Variants in ZNF155 observed in about 807,000 individuals in gnomAD.
The protein encoded by ZNF155 is zinc finger protein 155, also known as KRAB A domain.
A neutral mutation model predicts 11.9 loss-of-function variants in ZNF155; 15 were observed. The ratio of observed to expected loss-of-function variants is 1.26; its 90% CI spans 0.84 to 1.94. ZNF155 has a LOEUF of 1.94. Among genes scored for constraint, ZNF155 ranks in the 30% most tolerant of loss-of-function variants. The pLI is 0.00. For missense variants in ZNF155, 602 were observed against 639.1 expected (o/e 0.94, Z 0.63); for synonymous variants, 212 against 219.9 (o/e 0.96, Z 0.32).
intron 2 of ZNF155, among the ~76,000 whole-genome samples, chr19:43,990,559 C>T (rs1193335289): frequency 1.3e-5 from 2 of 152,188 alleles, no homozygotes; most frequent in Non-Finnish European, 2.9e-5. Context: ...TAGGAAGGGG[C>T]AGACCCTTAG....
Position 43,997,275 on chromosome 19 carries a change from A to G in ZNF155, c.1418A>G (p.Asn473Ser). ...TTTAGCCGGGCCTCAAGTATTTTGA[A>G]TCATAAGAGACTCCACTGCCAGAAA... is the stretch of plus-strand genomic sequence containing the variant. ...KNFSRASSILNHKRLHCQKKP... is the reference protein window; with the variant it reads ...KNFSRASSILSHKRLHCQKKP... Residue 473 changes from asparagine (N) to serine (S), a missense_variant, in exon 5 of 5, where the codon AAT (asparagine) becomes AGT (serine). Coordinates refer to ENST00000270014, the MANE Select transcript of ZNF155 (RefSeq NM_198089.3). 6.2e-7 allele frequency: 1 copy of G among 1,614,148 alleles called. No homozygotes were observed. The highest frequency in any genetic ancestry group is 1.7e-5 in the Admixed American group (1 of 60,020).
Position 43,997,427 on chromosome 19 carries a change from C to T in ZNF155, c.1570C>T (p.Arg524Cys), listed in dbSNP as rs748291270. 6 of 1,605,496 alleles carry T rather than the reference C, an allele frequency of 3.7e-6. 1 individual carries two copies. Among genetic ancestry groups the T allele is most frequent in the Admixed American group, 3.5e-5 (2 of 57,046 alleles). ...CEDCGRRYKR[R>C]LNLDILLSLF... Reference sequence around the variant, plus strand: ...GGATTGTGGGAGACGCTACAAGAGGCGCTTGAATCTGGATATACTTTTATC... The same window carrying T: ...GGATTGTGGGAGACGCTACAAGAGGTGCTTGAATCTGGATATACTTTTATC... Residue 524 changes from arginine to cysteine, a missense_variant, in exon 5 of 5, where the codon CGC becomes TGC. Coordinates refer to ENST00000270014, the MANE Select transcript of ZNF155 (RefSeq NM_198089.3).
rs180734288 is a variant in ZNF155 at position 43,994,981 on chromosome 19, G to T, written c.236-1112G>T. Reference sequence around the variant, plus strand: ...ACCATAAATTATATTGTTTCACTATGCAGAGTGATCCAGTGATTGCCTTCA... The same window carrying T: ...ACCATAAATTATATTGTTTCACTATTCAGAGTGATCCAGTGATTGCCTTCA... On this transcript the variant is annotated intron_variant, in intron 4 of 4. Coordinates refer to ENST00000270014, the MANE Select transcript of ZNF155 (RefSeq NM_198089.3). Among the ~76,000 whole-genome samples, 370 of 152,250 alleles carry T rather than the reference G, an allele frequency of 2.4e-3. 6 individuals carry two copies. Among genetic ancestry groups the T allele is most frequent in the Middle Eastern group, 0.017 (5 of 294 alleles).
chr19:43,986,294 A>ATATT (rs1221859539), intron 1 of ZNF155, among the ~76,000 whole-genome samples: 1 of 152,062 alleles, frequency 6.6e-6, no homozygotes, highest in Non-Finnish European at 1.5e-5. Flanking sequence ...TGTCTATTGT[A>ATATT]TATTTATTTA....
At chr19:43,990,135 A>G (rs1295027540) in intron 2 of ZNF155, 1 of 1,401,104 alleles carries the variant, frequency 7.1e-7, no homozygotes, top group East Asian at 2.5e-5. Context: ...CTGGGAAGAA[A>G]GCATGCAGTT....
rs1302604304 is a variant in ZNF155, at chr19:43,991,946, G to T, written c.235+12G>T. 6.2e-7 allele frequency: 1 copy of T among 1,609,206 alleles called. No homozygotes were observed. The highest frequency in any genetic ancestry group is 1.7e-5 in the Admixed American group (1 of 59,766). On this transcript the variant is annotated intron_variant, in intron 4 of 4. Transcript: ENST00000270014. ...AGAAGGGAATTCAGGTAAGAACTAAGCATCTGTGTGTCCTTGTACCTGACT... is the reference window on the plus strand; with the variant it reads ...AGAAGGGAATTCAGGTAAGAACTAATCATCTGTGTGTCCTTGTACCTGACT...
chr19:43,988,353 C>T (rs895700892), intron 1 of ZNF155, 106 bp from the exon 2 acceptor site: 11 of 433,824 alleles, frequency 2.5e-5, no homozygotes, highest in Admixed American at 4.1e-5. Context: ...TATCCATTTA[C>T]CCAGAGGAAG....
rs1361912257 is a variant in ZNF155 at position 43,997,164 on chromosome 19, G to A, written c.1307G>A (p.Gly436Asp). 5 of 1,614,074 alleles carry A rather than the reference G, an allele frequency of 3.1e-6. No homozygotes were observed. The highest frequency in any genetic ancestry group is 4.2e-6 in the Non-Finnish European group (5 of 1,180,042). Residue 436 changes from glycine to aspartate, a missense_variant, in exon 5 of 5, where the codon GGC becomes GAC. Physicochemically the swap from Gly to Asp is moderately conservative, Grantham distance 94. Transcript: ENST00000270014. ...KPYKCEECGKGYVTKFNLDLH... is the reference protein window; with the variant it reads ...KPYKCEECGKDYVTKFNLDLH... Reference sequence around the variant, plus strand: ...TATAAATGTGAGGAGTGTGGGAAGGGCTATGTTACTAAGTTTAATCTTGAC... The same window carrying A: ...TATAAATGTGAGGAGTGTGGGAAGGACTATGTTACTAAGTTTAATCTTGAC...
intron 1 of ZNF155, among the ~76,000 whole-genome samples, chr19:43,987,420 C>T (rs373795017): frequency 2.0e-5 from 3 of 152,116 alleles, no homozygotes; most frequent in East Asian, 3.9e-4. Flanking sequence ...TGGAGAAAGA[C>T]GTTCATTGGG....
rs1199423838 is a variant in ZNF155 at position 43,988,530 on chromosome 19, A to C, written c.-14A>C. Reference sequence around the variant, plus strand: ...CACCCAGGAGTCTGCAAATTCCCCAAAGTAGGAGGAAAAATGACCACATTC... The same window carrying C: ...CACCCAGGAGTCTGCAAATTCCCCACAGTAGGAGGAAAAATGACCACATTC... On this transcript the variant is annotated 5_prime_UTR_variant, in exon 2 of 5. Coordinates refer to ENST00000270014, the MANE Select transcript of ZNF155 (RefSeq NM_198089.3). The C allele has an allele frequency of 1.9e-6, 3 of 1,607,070 alleles. No homozygotes were observed. The highest frequency in any genetic ancestry group is 2.2e-5 in the South Asian group (2 of 90,148).
chr19:43,984,560 C>T lies in ZNF155; in HGVS notation c.-86+315C>T, dbSNP rs73569823. On this transcript the variant is annotated intron_variant, in intron 1 of 4. Transcript: ENST00000270014. Reference sequence around the variant, plus strand: ...CCCTCCACTCTTAAGTGTGCGACCTCTTTCTCGCGATATAACGTGGGGTGT... The same window carrying T: ...CCCTCCACTCTTAAGTGTGCGACCTTTTTCTCGCGATATAACGTGGGGTGT... Among the ~76,000 whole-genome samples the T allele has an allele frequency of 7.4e-3, 1,124 of 152,252 alleles. 13 individuals carry two copies. The highest frequency in any genetic ancestry group is 0.026 in the African/African-American group (1,078 of 41,536).
At position 43,996,707 on chromosome 19, in the gene ZNF155, G is replaced by T; in HGVS notation, c.850G>T (p.Gly284Trp). 1 of 1,614,134 alleles carries T rather than the reference G, an allele frequency of 6.2e-7. No individual in the cohort carries two copies. Among genetic ancestry groups the T allele is most frequent in the Non-Finnish European group, 8.5e-7 (1 of 1,180,012 alleles). Reference protein sequence around the residue: ...QLKEHKRIHTGEKPFKCDICG... With the variant: ...QLKEHKRIHTWEKPFKCDICG... ...TAAGGAACATAAGAGAATCCATACT[G>T]GGGAGAAACCATTCAAATGTGATAT... The change falls in exon 5 of 5, where the codon GGG becomes TGG. Residue 284 changes from glycine (G) to tryptophan (W), a missense_variant. Physicochemically the swap from Gly to Trp is radical, Grantham distance 184 (BLOSUM62 -2). Transcript: ENST00000270014.
intron 4 of ZNF155, among the ~76,000 whole-genome samples, chr19:43,992,820 T>C (rs1373366105): frequency 6.6e-6 from 1 of 152,272 alleles, no homozygotes; most frequent in Non-Finnish European, 1.5e-5. Context: ...TTTGGCCTGC[T>C]GATGGCTGCT....
chr19:43,994,205 A>ATC (rs1455415567), intron 4 of ZNF155, among the ~76,000 whole-genome samples: 1 of 152,174 alleles, frequency 6.6e-6, no homozygotes, highest in East Asian at 1.9e-4. Context: ...GCTCAGGAGC[A>ATC]TCCCCCTTTG....
rs751854073 is a variant in ZNF155 at position 43,997,482 on chromosome 19, T to C, written c.*8T>C. ...TTTCTAAATGACACATAATTGTTCATATTTATGGGGTACAACGTGCTATTT... is the reference window on the plus strand; with the variant it reads ...TTTCTAAATGACACATAATTGTTCACATTTATGGGGTACAACGTGCTATTT... On this transcript the variant is annotated 3_prime_UTR_variant, in exon 5 of 5. Coordinates refer to ENST00000270014, the MANE Select transcript of ZNF155 (RefSeq NM_198089.3). 6.3e-7 allele frequency: 1 copy of C among 1,579,500 alleles called. No homozygotes were observed. The highest frequency in any genetic ancestry group is 1.2e-5 in the South Asian group (1 of 86,262).
At chr19:43,990,542 A>G (rs395803) in intron 2 of ZNF155, among the ~76,000 whole-genome samples, 57,562 of 152,082 alleles carry the variant, frequency 0.38, 11,889 homozygotes, top group East Asian at 0.55. Flanking sequence ...GTCTAAGGCC[A>G]CACAGTTAGG....
At chr19:43,989,885 T>G in intron 2 of ZNF155, 1 of 449,150 alleles carries the variant, frequency 2.2e-6, no homozygotes, top group Admixed American at 4.3e-5. Flanking sequence ...AAGGAAAAAC[T>G]CCAAACAGAT....
At chr19:43,994,203 G>A (rs1018277216) in intron 4 of ZNF155, among the ~76,000 whole-genome samples, 1 of 152,104 alleles carries the variant, frequency 6.6e-6, no homozygotes, top group African/African-American at 2.4e-5. Flanking sequence ...CTGCTCAGGA[G>A]CATCCCCCTT....
chr19:43,988,664 G>T, intron 2 of ZNF155, 106 bp downstream of exon 2: 1 of 1,279,902 alleles, frequency 7.8e-7, no homozygotes, highest in Non-Finnish European at 1.0e-6. Flanking sequence ...CAGGCATTTG[G>T]GGACCTGTTT....
Sources: allele counts gnomAD v4.1 joint callset (sites outside exome capture counted in the v4.1 genomes callset), GRCh38; gene constraint gnomAD v4.1.1; transcripts MANE v1.5; gene names NCBI Gene and HGNC (gene_info 2026-07-23, HGNC 2026-07-21).